Variants in AFF2 observed in about 807,000 individuals in gnomAD.
AFF2 encodes AF4/FMR2 family member 2.
AFF2 carries 14 observed loss-of-function variants against 76.9 expected under a neutral mutation model. The ratio of observed to expected loss-of-function variants is 0.18; its 90% confidence interval spans 0.12 to 0.28. The LOEUF (loss-of-function observed/expected upper bound fraction) is 0.28. Among genes scored for constraint, AFF2 ranks in the 10% least tolerant of loss-of-function variants. AFF2 has a pLI of 1.00. For synonymous variants in AFF2, 398 were observed against 366.7 expected (o/e 1.09, Z -0.98); for missense variants, 868 against 1,001.1 (o/e 0.87, Z 1.79).
At position 148,955,998 on chromosome X, in the gene AFF2, C is replaced by T; in HGVS notation, c.1953C>T (p.Thr651=). ...TTACCTGGCCCAAACCAAATATTAC[C>T]AGCAGCACTCCCAAAGAAAAAGAAA... is the stretch of plus-strand genomic sequence containing the variant. ...DEFTWPKPNI[T]SSTPKEKESV... is the part of the protein sequence containing the mutation. The change falls in exon 11 of 21, where the codon ACC becomes ACT. Residue 651 remains threonine, a synonymous_variant. Transcript: ENST00000370460. The T allele has an allele frequency of 8.3e-7, 1 of 1,211,345 alleles. No individual in the cohort carries two copies. The highest frequency in any genetic ancestry group is 1.1e-6 in the Non-Finnish European group (1 of 895,437).
chrX:148,983,919 C>A (rs151090189), intron 19 of AFF2, among the ~76,000 whole-genome samples: 1 of 78,530 alleles, frequency 1.3e-5, no homozygotes, highest in Non-Finnish European at 2.3e-5. Flanking sequence ...AGACACTGTT[C>A]TAGATACTGA....
intron 17 of AFF2, 82 bp downstream of exon 17, chrX:148,978,086 C>T: frequency 1.5e-6 from 1 of 680,552 alleles, no homozygotes; most frequent in Non-Finnish European, 2.4e-6. Context: ...AAGCTGCTTA[C>T]CCCAGATCAT....
intron 1 of AFF2, among the ~76,000 whole-genome samples, chrX:148,517,755 C>G (rs1478308034): frequency 9.0e-6 from 1 of 111,186 alleles, no homozygotes; most frequent in Non-Finnish European, 1.9e-5. Context: ...TGGTGGCTCA[C>G]GCCTGTAATC....
At chrX:148,720,643 G>A (rs1443305121) in intron 3 of AFF2, among the ~76,000 whole-genome samples, 1 of 108,998 alleles carries the variant, frequency 9.2e-6, no homozygotes, top group African/African-American at 3.3e-5. Flanking sequence ...CAAAAAGATG[G>A]TGGAAGCATA....
At chrX:148,984,936 T>G (rs1303593951) in intron 19 of AFF2, among the ~76,000 whole-genome samples, 1 of 110,990 alleles carries the variant, frequency 9.0e-6, no homozygotes, top group Admixed American at 9.5e-5. Context: ...CTCCTGGGAT[T>G]CCAGCACCTC....
chrX:148,543,555 A>T (rs1329557129), intron 1 of AFF2, among the ~76,000 whole-genome samples: 1 of 111,140 alleles, frequency 9.0e-6, no homozygotes, highest in African/African-American at 3.3e-5. Flanking sequence ...TGGGGTTTGA[A>T]CCCTAGTTTG....
At chrX:148,501,900 C>T (rs1557231927) in intron 1 of AFF2, among the ~76,000 whole-genome samples, 1 of 112,106 alleles carries the variant, frequency 8.9e-6, no homozygotes, top group African/African-American at 3.2e-5. Context: ...TAAGGGACCT[C>T]CAGCTCAGAT....
chrX:148,521,382 A>ACACG (rs1171794845), intron 1 of AFF2, among the ~76,000 whole-genome samples: 1 of 98,331 alleles, frequency 1.0e-5, no homozygotes, highest in Admixed American at 1.1e-4. Flanking sequence ...ATGCACACAC[A>ACACG]CACACACACA....
At chrX:148,894,395 A>G (rs1557280090) in intron 8 of AFF2, among the ~76,000 whole-genome samples, 3 of 111,451 alleles carry the variant, frequency 2.7e-5, no homozygotes, top group Non-Finnish European at 5.7e-5. Flanking sequence ...AGCTATATTT[A>G]CTTTTATCTT....
At chrX:148,535,473 A>G (rs2052773742) in intron 1 of AFF2, among the ~76,000 whole-genome samples, 1 of 111,723 alleles carries the variant, frequency 9.0e-6, no homozygotes. Context: ...TCCCACCAGT[A>G]CCTCCACCTT....
intron 3 of AFF2, among the ~76,000 whole-genome samples, chrX:148,784,062 A>G (rs2069780840): frequency 8.9e-6 from 1 of 112,190 alleles, no homozygotes; most frequent in South Asian, 3.7e-4. Context: ...TAGAAACTCA[A>G]GCCTTCAGTG....
intron 3 of AFF2, among the ~76,000 whole-genome samples, chrX:148,738,964 C>A (rs1338575451): frequency 8.9e-6 from 1 of 111,911 alleles, no homozygotes; most frequent in East Asian, 2.8e-4. Context: ...CAGTTTTATT[C>A]CACCATGGTC....
chrX:148,971,747 C>CTTTTTTTTTTTTTT (rs781928514), intron 15 of AFF2, among the ~76,000 whole-genome samples: 4 of 44,731 alleles, frequency 8.9e-5, no homozygotes, highest in African/African-American at 1.9e-4. Flanking sequence ...TTTTCTATTT[C>CTTTTTTTTTTTTTT]TTTTTTTTTT....
intron 3 of AFF2, among the ~76,000 whole-genome samples, chrX:148,802,593 T>C (rs1156972652): frequency 8.9e-6 from 1 of 112,087 alleles, no homozygotes; most frequent in African/African-American, 3.2e-5. Context: ...GCCTTCACTG[T>C]ATAGGCTGTT....
At chrX:148,978,569 T>C (rs2072354374) in intron 18 of AFF2, 114 bp downstream of exon 18, 13 of 521,031 alleles carry the variant, frequency 2.5e-5, no homozygotes, top group South Asian at 2.5e-4. Context: ...CTCTCCTCCC[T>C]GCTGGCCATG....
At chrX:148,671,971 G>A (rs1367644211) in intron 3 of AFF2, among the ~76,000 whole-genome samples, 1 of 111,320 alleles carries the variant, frequency 9.0e-6, no homozygotes, top group Non-Finnish European at 1.9e-5. Flanking sequence ...CTTTTGTTAC[G>A]TGTGTTCCAA....
At chrX:148,847,535 G>GT (rs1196385775) in intron 7 of AFF2, among the ~76,000 whole-genome samples, 39 of 111,463 alleles carry the variant, frequency 3.5e-4, no homozygotes, top group East Asian at 2.5e-3. Context: ...CATAATGTTG[G>GT]TTTTTTTTAA....
intron 4 of AFF2, among the ~76,000 whole-genome samples, chrX:148,826,339 A>C (rs1167629068): frequency 1.2e-4 from 13 of 110,466 alleles, no homozygotes; most frequent in African/African-American, 4.3e-4. Flanking sequence ...ACTATCAATA[A>C]AAGAAACTTT....
At chrX:148,578,030 T>A (rs2053310975) in intron 1 of AFF2, among the ~76,000 whole-genome samples, 1 of 112,617 alleles carries the variant, frequency 8.9e-6, no homozygotes, top group South Asian at 3.6e-4. Flanking sequence ...ATCCCCAAAT[T>A]CTTTCTTTAT....
Sources: allele counts gnomAD v4.1 joint callset (sites outside exome capture counted in the v4.1 genomes callset), GRCh38; gene constraint gnomAD v4.1.1; transcripts MANE v1.5; gene names NCBI Gene and HGNC (gene_info 2026-07-23, HGNC 2026-07-21).